Variants in DMTN observed in about 807,000 individuals in gnomAD.
DMTN encodes the protein dematin.
In DMTN, 27 loss-of-function variants were observed where a neutral mutation model predicts 59.4. That is an observed-to-expected ratio of 0.45 (90% CI 0.33 to 0.63). The LOEUF (loss-of-function observed/expected upper bound fraction) is 0.63, where lower values mean the gene tolerates loss of function less well. Ranked by LOEUF, DMTN falls within the 20% of genes least tolerant of loss-of-function variation. The probability of loss-of-function intolerance (pLI) is 0.02; values close to 1 mark genes in which losing one functional copy is unlikely to be tolerated. For missense variants in DMTN, 451 were observed against 528.9 expected (o/e 0.85, Z 1.45); for synonymous variants, 221 against 203.7 (o/e 1.08, Z -0.72).
intron 11 of DMTN, 77 bp downstream of exon 11, chr8:22,080,321 G>A: frequency 1.2e-6 from 2 of 1,612,880 alleles, no homozygotes; most frequent in Non-Finnish European, 1.7e-6. Flanking sequence ...GAGCCACTTG[G>A]GCACCCTCAG....
intron 1 of DMTN, among the ~76,000 whole-genome samples, 180 bp downstream of exon 1, chr8:22,057,316 T>C (rs908687795): frequency 4.6e-5 from 7 of 152,148 alleles, no homozygotes; most frequent in African/African-American, 1.4e-4. Flanking sequence ...TGGAACCTTC[T>C]GATCTGGGGA....
At chr8:22,072,761 C>T (rs1250677924) in intron 9 of DMTN, among the ~76,000 whole-genome samples, 1 of 151,994 alleles carries the variant, frequency 6.6e-6, no homozygotes, top group African/African-American at 2.4e-5. Flanking sequence ...AGGCGTGAGC[C>T]ACTATGCCCA....
chr8:22,074,362 C>G (rs535908763), intron 10 of DMTN, among the ~76,000 whole-genome samples: 2 of 152,212 alleles, frequency 1.3e-5, no homozygotes, highest in South Asian at 4.1e-4. Flanking sequence ...CAAACTCCAC[C>G]TCTCAGGCTC....
At chr8:22,079,142 G>A (rs1026449732) in intron 10 of DMTN, among the ~76,000 whole-genome samples, 1 of 150,978 alleles carries the variant, frequency 6.6e-6, no homozygotes, top group African/African-American at 2.4e-5. Context: ...AAGCATAGTG[G>A]CTCACACCTA....
chr8:22,049,955 C>T (rs1387355545), upstream of DMTN, among the ~76,000 whole-genome samples: 1 of 152,136 alleles, frequency 6.6e-6, no homozygotes, highest in Non-Finnish European at 1.5e-5. Context: ...TGATGGCGAG[C>T]GCCGGCGCAG....
Position 22,082,232 on chromosome 8 carries a change from G to T in DMTN, c.*769G>T, listed in dbSNP as rs1288025083. On this transcript the variant is annotated 3_prime_UTR_variant, in exon 16 of 16. Coordinates refer to ENST00000358242, the MANE Select transcript of DMTN (RefSeq NM_001387751.1). Reference sequence around the variant, plus strand: ...GAGGCCAGGCCTGGCACATTTTGGAGTGTCCTGGCTACCAGCTCTCACCTA... The same window carrying T: ...GAGGCCAGGCCTGGCACATTTTGGATTGTCCTGGCTACCAGCTCTCACCTA... 2.2e-6 allele frequency: 1 copy of T among 456,920 alleles called. No homozygotes were observed. Among genetic ancestry groups the T allele is most frequent in the Non-Finnish European group, 4.4e-6 (1 of 227,026 alleles). The allele number at this position is 456,920 out of a possible 1,614,324, so 28.3% of individuals were successfully genotyped here. A position where few individuals can be genotyped will look rare whatever the true frequency, so the allele number is the denominator to read the frequency against.
upstream of DMTN, among the ~76,000 whole-genome samples, chr8:22,053,091 C>A (rs529980106): frequency 9.5e-4 from 145 of 152,232 alleles, no homozygotes; most frequent in Non-Finnish European, 1.9e-3. Context: ...AGAGGAAAAA[C>A]GGGCACGAGA....
intron 10 of DMTN, among the ~76,000 whole-genome samples, chr8:22,074,713 T>TCTGAGCC (rs1818371038): frequency 6.6e-6 from 1 of 152,182 alleles, no homozygotes; most frequent in Non-Finnish European, 1.5e-5. Flanking sequence ...GAGTCTGGAA[T>TCTGAGCC]TACAGAGTAC....
intron 1 of DMTN, among the ~76,000 whole-genome samples, chr8:22,062,031 C>G (rs1224039591): frequency 6.6e-6 from 1 of 152,130 alleles, no homozygotes; most frequent in African/African-American, 2.4e-5. Context: ...GTTGGGATTA[C>G]AGGCATAAGC....
At chr8:22,071,807 C>T (rs1295501156) in intron 8 of DMTN, among the ~76,000 whole-genome samples, 2 of 152,118 alleles carry the variant, frequency 1.3e-5, no homozygotes, top group Non-Finnish European at 2.9e-5. Context: ...GTCTCGATCT[C>T]CTGACCTCGT....
chr8:22,067,716 G>A (rs1199086250), intron 4 of DMTN, 34 bp downstream of exon 4: 2 of 1,607,266 alleles, frequency 1.2e-6, no homozygotes, highest in Admixed American at 1.7e-5. Context: ...GACTCCGGGG[G>A]AGGCCCCCCC....
chr8:22,049,070 G>A (rs111549020), upstream of DMTN: 1 of 92,250 alleles, frequency 1.1e-5, no homozygotes, highest in Non-Finnish European at 2.2e-5. Context: ...GCCCCCGGAG[G>A]GGCCGGGGCC....
intron 1 of DMTN, among the ~76,000 whole-genome samples, chr8:22,059,699 G>T (rs1186358876): frequency 6.6e-6 from 1 of 152,176 alleles, no homozygotes; most frequent in Non-Finnish European, 1.5e-5. Context: ...TTTGTGTGAG[G>T]TTTAGAGACG....
At chr8:22,074,262 G>GTTGT (rs1385196775) in intron 10 of DMTN, among the ~76,000 whole-genome samples, 1 of 71,534 alleles carries the variant, frequency 1.4e-5, no homozygotes, top group East Asian at 1.2e-3. Flanking sequence ...TTTTGTTGTG[G>GTTGT]TTGTTTGTTG....
chr8:22,049,199 C>G (rs1488187690), upstream of DMTN: 1 of 134,772 alleles, frequency 7.4e-6, no homozygotes, highest in Non-Finnish European at 1.6e-5. Flanking sequence ...GGAGCCTCCT[C>G]GGGCAGCGAG....
rs1811326958 is a variant in DMTN, at chr8:22,067,087, A to G, written c.21A>G (p.Gln7=). 6.2e-7 allele frequency: 1 copy of G among 1,601,488 alleles called. No individual in the cohort carries two copies. The highest frequency in any genetic ancestry group is 8.5e-7 in the Non-Finnish European group (1 of 1,174,986). Residue 7 remains glutamine, a splice_region_variant and synonymous_variant, in exon 3 of 16, where the codon CAA becomes CAG. Coordinates refer to ENST00000358242, the MANE Select transcript of DMTN (RefSeq NM_001387751.1). The stretch of plus-strand genomic sequence containing the variant: ...GCCCGCCTTCTCGCTCTCCCCAGCA[A>G]CCACTTACCTCCCCCGGGAGCGTGA... MERLQK[Q]PLTSPGSVSP...
chr8:22,070,554 T>C (rs1316057209), intron 8 of DMTN, among the ~76,000 whole-genome samples: 8 of 152,198 alleles, frequency 5.3e-5, no homozygotes, highest in Admixed American at 5.2e-4. Context: ...ATTCATTTGC[T>C]TTCCATTCAT....
In DMTN at chr8:22,070,317, C is replaced by T. The variant is rs1298014826; in HGVS notation, c.587C>T (p.Pro196Leu). 6 of 1,610,000 alleles carry T rather than the reference C, an allele frequency of 3.7e-6. No individual in the cohort carries two copies. Among genetic ancestry groups the T allele is most frequent in the Non-Finnish European group, 5.1e-6 (6 of 1,177,800 alleles). ...GAAACCGACTACTGGCCATGCCCCC[C>T]GTCTCTGGCTGTTGTGGGTAGGAGA... ...KIETDYWPCP[P>L]SLAVVETEWR... Residue 196 changes from proline to leucine, a missense_variant, in exon 8 of 16, where the codon CCG becomes CTG. By Grantham distance (98) the Pro-to-Leu change is moderately conservative. Transcript: ENST00000358242.
Position 22,081,152 on chromosome 8 carries a change from C to T in DMTN, c.1063C>T (p.Arg355Ter). 2.5e-6 allele frequency: 4 copies of T among 1,590,716 alleles called. No homozygotes were observed. The highest frequency in any genetic ancestry group is 1.1e-5 in the South Asian group (1 of 90,574). ...YEMLVVTNKGRTKLPPGVDRM... is the reference protein window; with the variant it reads ...YEMLVVTNKG ...AATGCTAGTGGTGACCAACAAGGGGCGAACCAAGCTGCCACCGGGGGTGGA... is the reference window on the plus strand; with the variant it reads ...AATGCTAGTGGTGACCAACAAGGGGTGAACCAAGCTGCCACCGGGGGTGGA... Residue 355 changes from arginine (R) to a stop codon, truncating the protein, a stop_gained, in exon 15 of 16, where the codon CGA (arginine) becomes TGA (stop). Transcript: ENST00000358242. LOFTEE classifies it high-confidence loss of function.
Sources: gnomAD v4.1 joint callset for allele counts (sites outside exome capture counted in the v4.1 genomes callset) on GRCh38, gnomAD v4.1.1 for gene constraint, MANE v1.5 for transcripts, NCBI Gene and HGNC (gene_info 2026-07-23, HGNC 2026-07-21) for gene names.